The following CAMKMT variants were observed in gnomAD, a reference collection of about 807,000 sequenced individuals.
The protein encoded by CAMKMT is CaM KMT.
In CAMKMT, 53 loss-of-function variants were observed where a neutral mutation model predicts 48.0. That is an observed-to-expected ratio of 1.10 (90% CI 0.89 to 1.39). The LOEUF (loss-of-function observed/expected upper bound fraction) is 1.39, where lower values mean the gene tolerates loss of function less well. Ranked by LOEUF, CAMKMT falls within the 40% of genes most tolerant of loss-of-function variation. The probability of loss-of-function intolerance (pLI) is 0.00; values close to 1 mark genes in which losing one functional copy is unlikely to be tolerated. For synonymous variants in CAMKMT, 165 were observed against 152.3 expected, an observed-to-expected ratio of 1.08 and a Z score of -0.61; for missense variants, 428 against 402.7, an observed-to-expected ratio of 1.06 and a Z score of -0.54.
At position 44,449,249 on chromosome 2, in the gene CAMKMT, G is replaced by A. The variant is rs192862720; in HGVS notation, c.376+58944G>A. Reference sequence around the variant, plus strand: ...TGTAGGGGGAAGATTTTCTCCCCTTGTGAGAACCTGAAGGGAAAAAATTGG... The same window carrying A: ...TGTAGGGGGAAGATTTTCTCCCCTTATGAGAACCTGAAGGGAAAAAATTGG... On this transcript the variant is annotated intron_variant, in intron 3 of 10. Coordinates refer to ENST00000378494, the MANE Select transcript of CAMKMT (RefSeq NM_024766.5). Among the ~76,000 whole-genome samples the A allele has an allele frequency of 5.9e-5, 9 of 152,204 alleles. No individual in the cohort carries two copies. In the East Asian group the frequency reaches 1.7e-3, roughly 29 times the overall value.
At chr2:44,388,954 G>A (rs1681046641) in intron 2 of CAMKMT, among the ~76,000 whole-genome samples, 1 of 152,182 alleles carries the variant, frequency 6.6e-6, no homozygotes, top group African/African-American at 2.4e-5. Context: ...AGCTTTGGTG[G>A]TTTAATGCTC....
intron 3 of CAMKMT, among the ~76,000 whole-genome samples, chr2:44,486,111 C>T (rs915524235): frequency 4.6e-5 from 7 of 152,032 alleles, no homozygotes; most frequent in Non-Finnish European, 1.0e-4. Context: ...ATTACAGGCC[C>T]GTGCCACCAC....
chr2:44,520,490 G>A (rs536249829), intron 3 of CAMKMT, among the ~76,000 whole-genome samples: 1 of 152,240 alleles, frequency 6.6e-6, no homozygotes, highest in South Asian at 2.1e-4. Flanking sequence ...ATATCATCAT[G>A]AGTGAATTAC....
chr2:44,391,535 C>CTT (rs1681341633), intron 3 of CAMKMT, among the ~76,000 whole-genome samples: 1 of 151,966 alleles, frequency 6.6e-6, no homozygotes, highest in African/African-American at 2.4e-5. Context: ...GATACATACT[C>CTT]TTTTAGTTCT....
At chr2:44,697,241 CTACT>C (rs1007748275) in intron 3 of CAMKMT, among the ~76,000 whole-genome samples, 2 of 151,938 alleles carry the variant, frequency 1.3e-5, no homozygotes, top group African/African-American at 4.8e-5. Flanking sequence ...TTTCAAGAAA[CTACT>C]GGAGGACGTG....
At chr2:44,652,604 C>T (rs554816745) in intron 3 of CAMKMT, among the ~76,000 whole-genome samples, 2 of 152,190 alleles carry the variant, frequency 1.3e-5, no homozygotes, top group South Asian at 4.1e-4. Flanking sequence ...ACCACCACTG[C>T]CTCCCCCTCT....
At chr2:44,529,993 G>T (rs951805595) in intron 3 of CAMKMT, among the ~76,000 whole-genome samples, 2 of 152,130 alleles carry the variant, frequency 1.3e-5, no homozygotes, top group African/African-American at 4.8e-5. Flanking sequence ...CATTAAACCT[G>T]TCAGGTATTT....
At chr2:44,642,649 G>A (rs1673509389) in intron 3 of CAMKMT, among the ~76,000 whole-genome samples, 1 of 152,144 alleles carries the variant, frequency 6.6e-6, no homozygotes, top group African/African-American at 2.4e-5. Flanking sequence ...CTGCTTGTGA[G>A]ATAAGGTGTG....
chr2:44,556,305 A>T (rs952935204), intron 3 of CAMKMT, among the ~76,000 whole-genome samples: 11 of 151,496 alleles, frequency 7.3e-5, no homozygotes, highest in African/African-American at 2.7e-4. Flanking sequence ...CACCTGGCTA[A>T]TTTTTGTATT....
At chr2:44,690,081 A>G (rs1471687013) in intron 3 of CAMKMT, among the ~76,000 whole-genome samples, 1 of 152,230 alleles carries the variant, frequency 6.6e-6, no homozygotes, top group Admixed American at 6.5e-5. Flanking sequence ...TAGACATGTA[A>G]TGAAGATTTA....
intron 3 of CAMKMT, among the ~76,000 whole-genome samples, chr2:44,599,314 C>G (rs1458686630): frequency 6.6e-6 from 1 of 152,092 alleles, no homozygotes; most frequent in Non-Finnish European, 1.5e-5. Context: ...TTATATCTGT[C>G]TTTGCCTGAA....
chr2:44,367,669 A>T (rs944220426), intron 1 of CAMKMT, among the ~76,000 whole-genome samples: 1 of 152,222 alleles, frequency 6.6e-6, no homozygotes, highest in Non-Finnish European at 1.5e-5. Flanking sequence ...ATATAAGACT[A>T]GCTGCCTATT....
intron 3 of CAMKMT, among the ~76,000 whole-genome samples, chr2:44,674,547 C>T (rs1296908680): frequency 1.3e-5 from 2 of 152,186 alleles, no homozygotes; most frequent in Admixed American, 6.5e-5. Context: ...ACCTGGAAAG[C>T]TTAACTGCTT....
At chr2:44,585,660 A>G (rs1340054264) in intron 3 of CAMKMT, among the ~76,000 whole-genome samples, 11 of 152,226 alleles carry the variant, frequency 7.2e-5, no homozygotes, top group Non-Finnish European at 1.5e-5. Flanking sequence ...ATGATCTTAA[A>G]CCATAAAAGT....
chr2:44,625,141 C>T (rs1467081397), intron 3 of CAMKMT, among the ~76,000 whole-genome samples: 2 of 152,216 alleles, frequency 1.3e-5, no homozygotes, highest in African/African-American at 2.4e-5. Context: ...AGTTGCTTCA[C>T]ATCCTTACTA....
intron 3 of CAMKMT, among the ~76,000 whole-genome samples, chr2:44,677,441 C>G (rs1675771092): frequency 6.6e-6 from 1 of 152,184 alleles, no homozygotes; most frequent in Admixed American, 6.5e-5. Context: ...TCCCAACTTC[C>G]TCATCAGCAG....
Position 44,406,736 on chromosome 2 carries a change from A to G in CAMKMT, c.376+16431A>G, listed in dbSNP as rs142932131. Among the ~76,000 whole-genome samples the G allele has an allele frequency of 3.5e-3, 529 of 152,210 alleles. 2 individuals are homozygous for G. The highest frequency in any genetic ancestry group is 0.012 in the African/African-American group (488 of 41,540). ...CTCAGCCTCCCAAGTAGCTGGGACT[A>G]TGGAAGCGCACTACCAGGCCCTGCT... On this transcript the variant is annotated intron_variant, in intron 3 of 10. Transcript: ENST00000378494.
intron 3 of CAMKMT, among the ~76,000 whole-genome samples, chr2:44,602,586 G>T (rs1299477813): frequency 6.6e-6 from 1 of 152,032 alleles, no homozygotes; most frequent in East Asian, 1.9e-4. Context: ...TTGACTCACA[G>T]TTCCACAAGC....
chr2:44,606,044 A>G (rs1671261539), intron 3 of CAMKMT, among the ~76,000 whole-genome samples: 1 of 152,154 alleles, frequency 6.6e-6, no homozygotes, highest in African/African-American at 2.4e-5. Flanking sequence ...ATTCCTGAGT[A>G]TTGTTCAAAA....
Sources: gnomAD v4.1 joint callset for allele counts (sites outside exome capture counted in the v4.1 genomes callset) on GRCh38, gnomAD v4.1.1 for gene constraint, MANE v1.5 for transcripts, NCBI Gene and HGNC (gene_info 2026-07-23, HGNC 2026-07-21) for gene names.